The following TRAF3IP1 variants were observed in gnomAD, a reference collection of about 807,000 sequenced individuals.
The protein encoded by TRAF3IP1 is TRAF3-interacting protein 1.
TRAF3IP1 carries 53 observed loss-of-function variants against 89.9 expected under a neutral mutation model. The observed-to-expected ratio is 0.59, with a 90% confidence interval of 0.47 to 0.74. The LOEUF (loss-of-function observed/expected upper bound fraction) is 0.74. TRAF3IP1 is among the 30% of genes least tolerant of loss of function. The probability of loss-of-function intolerance (pLI) is 0.00; values close to 1 mark genes in which losing one functional copy is unlikely to be tolerated. For missense variants in TRAF3IP1, 806 were observed against 866.1 expected (o/e 0.93, Z 0.87); for synonymous variants, 311 against 322.1 (o/e 0.97, Z 0.37).
At position 238,329,185 on chromosome 2, in the gene TRAF3IP1, G is replaced by T; in HGVS notation, c.758G>T (p.Ser253Ile). The T allele has an allele frequency of 6.4e-7, 1 of 1,565,402 alleles. No homozygotes were observed. Among genetic ancestry groups the T allele is most frequent in the Non-Finnish European group, 8.6e-7 (1 of 1,159,004 alleles). The change falls in exon 5 of 17, where the codon AGT (serine) becomes ATT (isoleucine). Residue 253 changes from serine (S) to isoleucine (I), a missense_variant. Ser to Ile is a moderately radical substitution (Grantham distance 142). Coordinates refer to ENST00000373327, the MANE Select transcript of TRAF3IP1 (RefSeq NM_015650.4). ...CGCAAGAAGGAGACAGAGAGAAAGA[G>T]TGAGGGGGGGAAAGAGAAGGAGAGA... ...SERKKETERK[S>I]EGGKEKERLR... is the part of the protein sequence containing the mutation.
At chr2:238,368,545 T>A (rs1181983698) in intron 15 of TRAF3IP1, among the ~76,000 whole-genome samples, 2 of 152,208 alleles carry the variant, frequency 1.3e-5, no homozygotes, top group Non-Finnish European at 2.9e-5. Context: ...GACATTCACT[T>A]AGTGAAGGGC....
intron 5 of TRAF3IP1, 78 bp from the exon 6 acceptor site, chr2:238,332,746 T>C (rs921303017): frequency 2.2e-5 from 24 of 1,104,320 alleles, no homozygotes; most frequent in Admixed American, 1.1e-4. Context: ...GTCAGTGTTA[T>C]AGAAAATATC....
intron 15 of TRAF3IP1, among the ~76,000 whole-genome samples, chr2:238,377,931 G>C (rs1700385768): frequency 6.6e-6 from 1 of 152,030 alleles, no homozygotes; most frequent in African/African-American, 2.4e-5. Flanking sequence ...TCAGTTTTTT[G>C]AAAATTTTCA....
At chr2:238,328,536 T>C (rs1191432301) in intron 3 of TRAF3IP1, 150 bp from the exon 4 acceptor site, 1 of 1,000,474 alleles carries the variant, frequency 1.0e-6, no homozygotes, top group African/African-American at 1.6e-5. Context: ...TATGTGATAA[T>C]AACATGTTCA....
rs1699154970 is a variant in TRAF3IP1, at chr2:238,351,603, G to A, written c.1452-1224G>A. Among the ~76,000 whole-genome samples the A allele has an allele frequency of 6.6e-6, 1 of 152,176 alleles. No homozygotes were observed. Among genetic ancestry groups the A allele is most frequent in the Non-Finnish European group, 1.5e-5 (1 of 68,020 alleles). On this transcript the variant is annotated intron_variant, in intron 12 of 16. Transcript: ENST00000373327. This position sits in a 1 kb window ranked among gnomAD's most constrained non-coding sequence, Gnocchi z 5.2. ...GTGGGCCACAGTGAGGGTGTGCTGG[G>A]AGCGTGAGAGACGAGGGACGGGAGC...
rs572891017 is a variant in TRAF3IP1, at chr2:238,355,268, C to T, written c.1613-736C>T. The stretch of plus-strand genomic sequence containing the variant: ...CTCCTCTACCCTCTACTCTCCCTGT[C>T]TCCTCTACCCTCTACTCTCCCTCTC... On this transcript the variant is annotated intron_variant, in intron 14 of 16. Transcript: ENST00000373327. Among the ~76,000 whole-genome samples, 109 of 152,326 alleles carry T rather than the reference C, an allele frequency of 7.2e-4. 1 individual carries two copies. The South Asian group carries it at 0.021, about 29-fold the overall frequency.
intron 8 of TRAF3IP1, among the ~76,000 whole-genome samples, chr2:238,341,346 G>A (rs1410465816): frequency 1.3e-5 from 2 of 151,908 alleles, no homozygotes; most frequent in Non-Finnish European, 2.9e-5. Flanking sequence ...TTAATGAACT[G>A]TTTCAAAGTA....
chr2:238,326,396 G>C (rs954442348), intron 3 of TRAF3IP1, among the ~76,000 whole-genome samples: 16 of 152,002 alleles, frequency 1.1e-4, no homozygotes, highest in Middle Eastern at 3.2e-3. Flanking sequence ...GGGAGTCTCT[G>C]TTCTCTTCCT....
intron 12 of TRAF3IP1, among the ~76,000 whole-genome samples, chr2:238,350,595 T>C (rs1264846698): frequency 1.3e-5 from 2 of 151,774 alleles, no homozygotes; most frequent in East Asian, 3.9e-4. Flanking sequence ...CTGGAGACAT[T>C]TTCTGGTGTT....
intron 15 of TRAF3IP1, among the ~76,000 whole-genome samples, chr2:238,361,079 T>C (rs1242912271): frequency 6.6e-6 from 1 of 151,244 alleles, no homozygotes; most frequent in Non-Finnish European, 1.5e-5. Flanking sequence ...AGAGTCTGGC[T>C]CTGTTGCCCA....
intron 6 of TRAF3IP1, among the ~76,000 whole-genome samples, chr2:238,333,358 T>C (rs1462844484): frequency 6.6e-6 from 1 of 152,120 alleles, no homozygotes. Flanking sequence ...TGGGCCGTCT[T>C]GTGGAGGTTA....
rs565860396 is a variant in TRAF3IP1 at position 238,384,570 on chromosome 2, T to A, written c.1690-12889T>A. Reference sequence around the variant, plus strand: ...TTTTTTTTTTTTTGTATTTTTTTTTTAAATACGTTTTACCATGTTGGCCAG... The same window carrying A: ...TTTTTTTTTTTTTGTATTTTTTTTTAAAATACGTTTTACCATGTTGGCCAG... On this transcript the variant is annotated intron_variant, in intron 15 of 16. Coordinates refer to ENST00000373327, the MANE Select transcript of TRAF3IP1 (RefSeq NM_015650.4). 6.0e-5 allele frequency among the ~76,000 whole-genome samples: 9 copies of A among 149,396 alleles called. No homozygotes were observed. The South Asian group carries it at 8.5e-4, about 14-fold the overall frequency.
Position 238,344,534 on chromosome 2 carries a change from A to G in TRAF3IP1, c.1197A>G (p.Ser399=). Reference sequence around the variant, plus strand: ...CTAATATTAACTCAACTAGTATTTCAGATGATAATTCAGCTAGTCTGCGGT... The same window carrying G: ...CTAATATTAACTCAACTAGTATTTCGGATGATAATTCAGCTAGTCTGCGGT... The part of the protein sequence containing the change: ...KEANINSTSI[S]DDNSASLRCE... Residue 399 remains serine, a synonymous_variant, in exon 9 of 17, where the codon TCA becomes TCG. Coordinates refer to ENST00000373327, the MANE Select transcript of TRAF3IP1 (RefSeq NM_015650.4). 1 of 1,614,210 alleles carries G rather than the reference A, an allele frequency of 6.2e-7. No homozygotes were observed. Among genetic ancestry groups the G allele is most frequent in the Non-Finnish European group, 8.5e-7 (1 of 1,180,014 alleles).
At chr2:238,323,689 C>T (rs1697672845) in intron 1 of TRAF3IP1, among the ~76,000 whole-genome samples, 1 of 152,188 alleles carries the variant, frequency 6.6e-6, no homozygotes, top group Admixed American at 6.5e-5. Context: ...GGATATGTGG[C>T]TATGAGCATA....
At chr2:238,397,129 T>C (rs1701261729) in intron 15 of TRAF3IP1, among the ~76,000 whole-genome samples, 1 of 152,194 alleles carries the variant, frequency 6.6e-6, no homozygotes, top group Admixed American at 6.5e-5. Context: ...GCTACAAAAG[T>C]TGCTTGTTAG....
intron 6 of TRAF3IP1, 113 bp downstream of exon 6, chr2:238,333,008 C>A: frequency 2.6e-6 from 2 of 761,714 alleles, no homozygotes; most frequent in South Asian, 1.6e-5. Context: ...ATGGTCTGGG[C>A]CTATCTGTAA....
At position 238,362,752 on chromosome 2, in the gene TRAF3IP1, A is replaced by G. The variant is rs547846041; in HGVS notation, c.1689+6672A>G. ...ATTATCACAAACTAGAACGTGTCAA[A>G]TTTTCTCAGTGCCTGCCATGCTCAG... On this transcript the variant is annotated intron_variant, in intron 15 of 16. Coordinates refer to ENST00000373327, the MANE Select transcript of TRAF3IP1 (RefSeq NM_015650.4). Among the ~76,000 whole-genome samples, 26 of 152,322 alleles carry G rather than the reference A, an allele frequency of 1.7e-4. No individual in the cohort carries two copies. The South Asian group carries it at 5.2e-3, about 30-fold the overall frequency.
intron 15 of TRAF3IP1, among the ~76,000 whole-genome samples, chr2:238,375,187 G>T (rs1277803514): frequency 6.6e-6 from 1 of 152,048 alleles, no homozygotes; most frequent in African/African-American, 2.4e-5. Context: ...GAATTTGTTT[G>T]CTCTTGCTTC....
rs534062851 is a variant in TRAF3IP1 at position 238,400,696 on chromosome 2, C to T, written c.*1777C>T. On this transcript the variant is annotated 3_prime_UTR_variant, in exon 17 of 17. Transcript: ENST00000373327. ...ACTGAATCAAATGACTTAGCCATGA[C>T]CCTGAATGGACCTTGTTTTACTTCA... The T allele has an allele frequency of 1.3e-4, 20 of 152,224 alleles. No homozygotes were observed. Among genetic ancestry groups the T allele is most frequent in the Non-Finnish European group, 2.9e-4 (20 of 68,014 alleles). The allele number at this position is 152,224 out of a possible 1,614,324, so 9.4% of individuals were successfully genotyped here. A position where few individuals can be genotyped will look rare whatever the true frequency, so the allele number is the denominator to read the frequency against.
Sources: gnomAD v4.1 joint callset for allele counts (sites outside exome capture counted in the v4.1 genomes callset) on GRCh38, gnomAD v4.1.1 for gene constraint, Gnocchi (gnomAD v3.1) non-coding constraint, MANE v1.5 for transcripts, NCBI Gene and HGNC (gene_info 2026-07-23, HGNC 2026-07-21) for gene names.